Variants in PCDHGA1 observed in about 807,000 individuals in gnomAD.
PCDHGA1 encodes the protein protocadherin gamma-A1.
A neutral mutation model predicts 58.0 loss-of-function variants in PCDHGA1; 32 were observed. That is an observed-to-expected ratio of 0.55 (90% CI 0.42 to 0.74). PCDHGA1 has a LOEUF of 0.74. Ranked by LOEUF, PCDHGA1 falls within the 30% of genes least tolerant of loss-of-function variation. The probability of loss-of-function intolerance (pLI) is 0.00; values close to 1 mark genes in which losing one functional copy is unlikely to be tolerated. For missense variants in PCDHGA1, 1,205 were observed against 1,182.3 expected, an observed-to-expected ratio of 1.02 and a Z score of -0.28; for synonymous variants, 498 against 501.1, an observed-to-expected ratio of 0.99 and a Z score of 0.08.
At chr5:141,372,739 GT>G in intron 1 of PCDHGA1, 1 of 1,613,668 alleles carries the variant, frequency 6.2e-7, no homozygotes, top group Non-Finnish European at 8.5e-7. Context: ...GATCTTCTAT[GT>G]GATGAAGCCT....
intron 1 of PCDHGA1, chr5:141,352,417 T>G: frequency 6.2e-7 from 1 of 1,614,054 alleles, no homozygotes; most frequent in Non-Finnish European, 8.5e-7. Context: ...GCCTCGACAC[T>G]GAGGGCTGCT....
At chr5:141,479,561 G>A (rs1032137833) in intron 1 of PCDHGA1, 1 of 152,270 alleles carries the variant, frequency 6.6e-6, no homozygotes, top group African/African-American at 2.4e-5. Context: ...CTATCCAGTA[G>A]TGGGATGACA....
In PCDHGA1 at chr5:141,512,443, CCTT is replaced by C. The variant is rs1263805618; in HGVS notation, c.*1272_*1274del. On this transcript the variant is annotated 3_prime_UTR_variant, in exon 4 of 4. Coordinates refer to ENST00000517417, the MANE Select transcript of PCDHGA1 (RefSeq NM_018912.3). ...GCCCCTGCCCTCCTGAAGCCTCAGT[CCTT>C]CACCTTGCCAGGTGCCGTTTCTCTT... The C allele has an allele frequency of 1.3e-5, 2 of 152,896 alleles. No homozygotes were observed. The highest frequency in any genetic ancestry group is 4.8e-5 in the African/African-American group (2 of 41,468). 9.5% of individuals were successfully genotyped at this position (152,896 alleles called of 1,614,324 possible).
chr5:141,376,292 G>C (rs377013387), intron 1 of PCDHGA1: 30 of 1,614,038 alleles, frequency 1.9e-5, no homozygotes, highest in Middle Eastern at 3.3e-4. Flanking sequence ...GAGCATGCCC[G>C]GCTCGCACTT....
intron 1 of PCDHGA1, chr5:141,355,123 G>A (rs1759719890): frequency 6.6e-7 from 1 of 1,515,214 alleles, no homozygotes; most frequent in African/African-American, 1.4e-5. Flanking sequence ...CTTTATTTTG[G>A]ACCCAGAAGA....
At chr5:141,366,388 T>A (rs1764530765) in intron 1 of PCDHGA1, 1 of 1,614,034 alleles carries the variant, frequency 6.2e-7, no homozygotes, top group African/African-American at 1.3e-5. Flanking sequence ...ACCCTGAGGA[T>A]CTGGACCTCA....
intron 2 of PCDHGA1, among the ~76,000 whole-genome samples, chr5:141,500,187 TA>T (rs56304898): frequency 0.051 from 5,679 of 110,700 alleles, 126 homozygotes; most frequent in Middle Eastern, 0.14. Flanking sequence ...TTTTTATTTT[TA>T]TTTATTTATT....
chr5:141,372,030 G>T, intron 1 of PCDHGA1: 2 of 1,613,446 alleles, frequency 1.2e-6, no homozygotes, highest in Non-Finnish European at 1.7e-6. Flanking sequence ...CAGCGCCAAC[G>T]TGAGCCTGCG....
chr5:141,449,584 G>C (rs2098645697), intron 1 of PCDHGA1, among the ~76,000 whole-genome samples: 1 of 123,190 alleles, frequency 8.1e-6, no homozygotes, highest in South Asian at 2.5e-4. Context: ...GCAAGACTCT[G>C]TCTCAAAAAA....
At chr5:141,372,833 T>C (rs1317318812) in intron 1 of PCDHGA1, 6 of 1,538,022 alleles carry the variant, frequency 3.9e-6, no homozygotes, top group Non-Finnish European at 5.3e-6. Flanking sequence ...AACCTTTCCT[T>C]CCATAAATAT....
At chr5:141,423,102 C>T (rs778561065) in intron 1 of PCDHGA1, 7 of 1,613,920 alleles carry the variant, frequency 4.3e-6, no homozygotes, top group Non-Finnish European at 4.2e-6. Context: ...AGCACACGGG[C>T]GAGGTGCGTA....
At chr5:141,357,477 C>T (rs1209475845) in intron 1 of PCDHGA1, 14 of 1,614,102 alleles carry the variant, frequency 8.7e-6, no homozygotes, top group South Asian at 3.3e-5. Context: ...AGGTCTCCCT[C>T]ACCGCGGACT....
chr5:141,432,250 A>C lies in PCDHGA1; in HGVS notation c.2422-62557A>C, dbSNP rs777728825. ...ATTCCCTGGCTGAGAACACCATCCA[A>C]GGGGCAAGCCTATCGTCCTACGTGT... On this transcript the variant is annotated intron_variant, in intron 1 of 3. Coordinates refer to ENST00000517417, the MANE Select transcript of PCDHGA1 (RefSeq NM_018912.3). This position sits in a 1 kb window ranked among gnomAD's most constrained non-coding sequence, Gnocchi z 6.0. 2 of 1,614,116 alleles carry C rather than the reference A, an allele frequency of 1.2e-6. No homozygotes were observed. The highest frequency in any genetic ancestry group is 1.7e-6 in the Non-Finnish European group (2 of 1,180,062).
chr5:141,370,632 G>A (rs1393089776), intron 1 of PCDHGA1: 15 of 1,613,802 alleles, frequency 9.3e-6, no homozygotes, highest in Non-Finnish European at 1.3e-5. Context: ...CGTGAGCCCC[G>A]AAAATGGGAA....
chr5:141,399,998 C>T (rs753846360), intron 1 of PCDHGA1: 37 of 1,612,212 alleles, frequency 2.3e-5, no homozygotes, highest in Non-Finnish European at 2.7e-5. Context: ...GAGGTGCGCA[C>T]AGCGCGTGCC....
intron 1 of PCDHGA1, chr5:141,346,313 T>G: frequency 6.2e-7 from 1 of 1,614,188 alleles, no homozygotes; most frequent in East Asian, 2.2e-5. Context: ...TCTCCCTCAC[T>G]GCGGACTCGC....
chr5:141,407,807 T>G (rs916388568), intron 1 of PCDHGA1, among the ~76,000 whole-genome samples: 1 of 152,202 alleles, frequency 6.6e-6, no homozygotes, highest in African/African-American at 2.4e-5. Context: ...CATAGAAATA[T>G]CTACTATAAT....
At chr5:141,379,256 A>C (rs896314996) in intron 1 of PCDHGA1, 1 of 152,234 alleles carries the variant, frequency 6.6e-6, no homozygotes, top group Non-Finnish European at 1.5e-5. Flanking sequence ...ATTTACATTT[A>C]AGGAATTGTT....
chr5:141,365,615 AC>A (rs1215729204), intron 1 of PCDHGA1: 1 of 1,613,178 alleles, frequency 6.2e-7, no homozygotes, highest in Non-Finnish European at 8.5e-7. Context: ...GGACCATGGA[AC>A]CCCGCCCCTC....
Sources: gnomAD v4.1 joint callset for allele counts (sites outside exome capture counted in the v4.1 genomes callset) on GRCh38, gnomAD v4.1.1 for gene constraint, Gnocchi (gnomAD v3.1) non-coding constraint, MANE v1.5 for transcripts, NCBI Gene and HGNC (gene_info 2026-07-23, HGNC 2026-07-21) for gene names.